Variants in C9orf153 observed in about 807,000 individuals in gnomAD.
C9orf153 encodes the protein chromosome 9 open reading frame 153.
Under a neutral mutation model 9.0 loss-of-function variants are expected in C9orf153, and 10 were observed. The ratio of observed to expected loss-of-function variants is 1.11; its 90% CI spans 0.69 to 1.89. C9orf153 has a LOEUF of 1.89. Among genes scored for constraint, C9orf153 ranks in the 40% most tolerant of loss-of-function variants. The pLI, the probability that C9orf153 is intolerant of heterozygous loss-of-function variation, is 0.00. For missense variants in C9orf153, 108 were observed against 111.0 expected (o/e 0.97, Z 0.12); for synonymous variants, 35 against 37.3 (o/e 0.94, Z 0.23).
At chr9:86,242,586 C>T (rs1290256107) in intron 1 of C9orf153, among the ~76,000 whole-genome samples, 1 of 152,030 alleles carries the variant, frequency 6.6e-6, no homozygotes, top group Non-Finnish European at 1.5e-5. Flanking sequence ...AAAAATGAGG[C>T]CAAATATGTA....
intron 1 of C9orf153, among the ~76,000 whole-genome samples, chr9:86,258,081 C>A (rs977538342): frequency 6.6e-6 from 1 of 152,152 alleles, no homozygotes; most frequent in African/African-American, 2.4e-5. Flanking sequence ...CGGTGGCTCA[C>A]GCCCATAATC....
intron 1 of C9orf153, among the ~76,000 whole-genome samples, chr9:86,244,677 C>A (rs1310649668): frequency 6.6e-6 from 1 of 152,174 alleles, no homozygotes; most frequent in Non-Finnish European, 1.5e-5. Flanking sequence ...AAGATCTGTG[C>A]ACCCCAAACC....
chr9:86,229,423 T>G (rs1458743965), intron 2 of C9orf153, 115 bp downstream of exon 2: 3 of 674,854 alleles, frequency 4.4e-6, no homozygotes, highest in Non-Finnish European at 7.7e-6. Context: ...AGTGACATTT[T>G]GGAGTTTCCC....
chr9:86,249,519 G>A (rs573392674), intron 1 of C9orf153, among the ~76,000 whole-genome samples: 9 of 151,440 alleles, frequency 5.9e-5, no homozygotes, highest in East Asian at 1.9e-4. Context: ...ATTGTCAAAC[G>A]GTAGAGGCCA....
intron 3 of C9orf153, among the ~76,000 whole-genome samples, chr9:86,222,710 A>G (rs767467899): frequency 3.9e-5 from 6 of 152,090 alleles, no homozygotes; most frequent in Non-Finnish European, 7.4e-5. Flanking sequence ...ACAACAACAA[A>G]TCAAGGCTAA....
At chr9:86,245,645 C>T (rs968845856) in intron 1 of C9orf153, among the ~76,000 whole-genome samples, 2 of 152,156 alleles carry the variant, frequency 1.3e-5, no homozygotes, top group African/African-American at 4.8e-5. Context: ...TGAGTAGCTT[C>T]TACCTCTTTG....
At chr9:86,252,365 G>A (rs1196257560) in intron 1 of C9orf153, among the ~76,000 whole-genome samples, 1 of 152,082 alleles carries the variant, frequency 6.6e-6, no homozygotes, top group African/African-American at 2.4e-5. Context: ...TTGGAAAACT[G>A]AGTCTCCTCT....
At chr9:86,246,742 C>T (rs1473324639) in intron 1 of C9orf153, among the ~76,000 whole-genome samples, 1 of 151,750 alleles carries the variant, frequency 6.6e-6, no homozygotes, top group African/African-American at 2.4e-5. Flanking sequence ...GAAACAGTAT[C>T]ATGAGACCTC....
At chr9:86,238,834 T>A (rs1159108236) in intron 1 of C9orf153, among the ~76,000 whole-genome samples, 1 of 152,014 alleles carries the variant, frequency 6.6e-6, no homozygotes, top group East Asian at 1.9e-4. Context: ...GAGCTCATAA[T>A]TGAACAAATT....
intron 1 of C9orf153, among the ~76,000 whole-genome samples, chr9:86,238,470 A>G (rs1824653946): frequency 6.6e-6 from 1 of 152,238 alleles, no homozygotes; most frequent in Non-Finnish European, 1.5e-5. Flanking sequence ...TTAGATGCCA[A>G]TAACAGAAAG....
At chr9:86,245,013 G>C (rs146829190) in intron 1 of C9orf153, among the ~76,000 whole-genome samples, 3 of 152,070 alleles carry the variant, frequency 2.0e-5, no homozygotes, top group Non-Finnish European at 4.4e-5. Context: ...TGCAACCTCC[G>C]CCTCCCAGGT....
intron 1 of C9orf153, among the ~76,000 whole-genome samples, chr9:86,243,013 C>T (rs1429363626): frequency 3.9e-5 from 6 of 152,140 alleles, no homozygotes; most frequent in Admixed American, 2.0e-4. Flanking sequence ...GGAGTTAGTG[C>T]GAAGGCATGA....
chr9:86,239,496 A>G (rs1466140578), intron 1 of C9orf153, among the ~76,000 whole-genome samples: 1 of 152,224 alleles, frequency 6.6e-6, no homozygotes, highest in African/African-American at 2.4e-5. Flanking sequence ...GAGATTGCTT[A>G]TAATGTTTCA....
chr9:86,247,020 C>G (rs1050088259), intron 1 of C9orf153, among the ~76,000 whole-genome samples: 1 of 152,212 alleles, frequency 6.6e-6, no homozygotes, highest in South Asian at 2.1e-4. Context: ...CGAGTTCACA[C>G]GGGTCTCTTT....
chr9:86,238,708 T>C (rs974332260), intron 1 of C9orf153, among the ~76,000 whole-genome samples: 2 of 152,022 alleles, frequency 1.3e-5, no homozygotes, highest in African/African-American at 4.8e-5. Context: ...AATTCCAAGT[T>C]GAATGAGAGA....
intron 1 of C9orf153, among the ~76,000 whole-genome samples, chr9:86,232,827 G>T (rs556797054): frequency 1.3e-5 from 2 of 152,138 alleles, no homozygotes; most frequent in South Asian, 2.1e-4. Context: ...CCAGTTCCCG[G>T]GTTCAAGCCA....
intron 1 of C9orf153, among the ~76,000 whole-genome samples, chr9:86,255,170 T>G (rs1343553634): frequency 7.1e-6 from 1 of 141,002 alleles, no homozygotes; most frequent in Non-Finnish European, 1.6e-5. Context: ...TCCCACTCCT[T>G]TGCCTATCTC....
intron 1 of C9orf153, among the ~76,000 whole-genome samples, chr9:86,234,751 A>G (rs1824542496): frequency 6.6e-6 from 1 of 152,244 alleles, no homozygotes; most frequent in Non-Finnish European, 1.5e-5. Context: ...GCTTTAGTGA[A>G]AATAGTGAAA....
At chr9:86,249,433 ATGTATATATACAATACG>A (rs1423911371) in intron 1 of C9orf153, among the ~76,000 whole-genome samples, 109 of 152,332 alleles carry the variant, frequency 7.2e-4, no homozygotes, top group Non-Finnish European at 1.3e-3. Flanking sequence ...TTTCTTCTTC[ATGTATATATACAATACG>A]TATCAAAAGC....
Sources: gnomAD v4.1 joint callset for allele counts (sites outside exome capture counted in the v4.1 genomes callset) on GRCh38, gnomAD v4.1.1 for gene constraint, MANE v1.5 for transcripts, NCBI Gene and HGNC (gene_info 2026-07-23, HGNC 2026-07-21) for gene names.